Variants in DLG2 observed in about 807,000 individuals in gnomAD.
DLG2 encodes the protein discs large MAGUK scaffold protein 2, also known as disks large homolog 2.
In DLG2, 45 loss-of-function variants were observed where a neutral mutation model predicts 132.5. The observed-to-expected ratio is 0.34, with a 90% CI of 0.27 to 0.44. The LOEUF is 0.44. DLG2 is among the 20% of genes least tolerant of loss of function. DLG2 has a pLI of 1.00. For synonymous variants in DLG2, 424 were observed against 419.6 expected, an observed-to-expected ratio of 1.01 and a Z score of -0.13; for missense variants, 1,045 against 1,196.9, an observed-to-expected ratio of 0.87 and a Z score of 1.87.
Position 85,347,950 on chromosome 11 carries a change from C to A in DLG2, c.41-62585G>T, listed in dbSNP as rs1206689843. On this transcript the variant is annotated intron_variant, in intron 3 of 27. Coordinates refer to ENST00000376104, the MANE Select transcript of DLG2 (RefSeq NM_001142699.3). ...TCCCAAGTAGTTGGGACTACAGACT[C>A]ATGCCACCACACTTAACTTTTTTTT... Among the ~76,000 whole-genome samples the A allele has an allele frequency of 2.9e-5, 4 of 135,622 alleles. 1 individual carries two copies. The highest frequency in any genetic ancestry group is 6.2e-5 in the Non-Finnish European group (4 of 64,944). The allele number at this position is 135,622 out of a possible 152,430, so 89.0% of individuals were successfully genotyped here.
chr11:83,884,799 T>C (rs7939073), intron 15 of DLG2, among the ~76,000 whole-genome samples: 45,023 of 151,892 alleles, frequency 0.3, 7,130 homozygotes, highest in East Asian at 0.48. Flanking sequence ...AAAAATCCAC[T>C]GTTCTGCAGC....
intron 3 of DLG2, among the ~76,000 whole-genome samples, chr11:85,527,859 T>C (rs540073417): frequency 6.6e-6 from 1 of 152,294 alleles, no homozygotes; most frequent in African/African-American, 2.4e-5. Flanking sequence ...CCAGCAACGG[T>C]TGTTTCCTGA....
At chr11:84,115,998 G>C (rs1310449142) in intron 9 of DLG2, among the ~76,000 whole-genome samples, 3 of 152,200 alleles carry the variant, frequency 2.0e-5, no homozygotes, top group Admixed American at 6.5e-5. Flanking sequence ...GTAAGAAGCG[G>C]TAATAGAGTG....
intron 14 of DLG2, among the ~76,000 whole-genome samples, chr11:83,957,023 A>G (rs1379234630): frequency 1.3e-5 from 2 of 152,230 alleles, no homozygotes; most frequent in Non-Finnish European, 2.9e-5. Flanking sequence ...GAAGAAAAAT[A>G]ACGTAGTTTG....
chr11:84,267,469 T>C (rs752750584), intron 7 of DLG2, among the ~76,000 whole-genome samples: 8 of 152,254 alleles, frequency 5.3e-5, no homozygotes, highest in Non-Finnish European at 1.0e-4. Flanking sequence ...TTTAGCACTG[T>C]ATCCTATTCC....
chr11:84,767,013 A>C (rs2068517835), intron 6 of DLG2, among the ~76,000 whole-genome samples: 1 of 152,088 alleles, frequency 6.6e-6, no homozygotes, highest in African/African-American at 2.4e-5. Flanking sequence ...TCTCAGCTTC[A>C]GCATTACCTG....
intron 11 of DLG2, among the ~76,000 whole-genome samples, chr11:84,015,061 G>A (rs2095100991): frequency 3.9e-5 from 6 of 152,034 alleles, no homozygotes. Flanking sequence ...TACTTTTGTA[G>A]AATAGCATTC....
chr11:85,618,930 T>C (rs777249269), intron 2 of DLG2, among the ~76,000 whole-genome samples: 1 of 152,224 alleles, frequency 6.6e-6, no homozygotes, highest in African/African-American at 2.4e-5. Context: ...ACACATTTTC[T>C]AGTATCAAGT....
rs61900049 is a variant in DLG2, at chr11:83,880,651, T to C, written c.1497-6163A>G. ...GAAGAATGAATGGAGAATTCCACCA[T>C]TGACTGAAAGGACCACGGCTCTATT... is the stretch of plus-strand genomic sequence containing the variant. On this transcript the variant is annotated intron_variant, in intron 15 of 27. Coordinates refer to ENST00000376104, the MANE Select transcript of DLG2 (RefSeq NM_001142699.3). Among the ~76,000 whole-genome samples the C allele has an allele frequency of 9.2e-3, 1,395 of 152,268 alleles. 12 individuals are homozygous for C. Among genetic ancestry groups the C allele is most frequent in the Non-Finnish European group, 0.012 (815 of 68,024 alleles).
intron 3 of DLG2, among the ~76,000 whole-genome samples, chr11:85,522,826 A>G (rs2074422706): frequency 6.6e-6 from 1 of 152,192 alleles, no homozygotes; most frequent in Admixed American, 6.5e-5. Context: ...GAATCTAGGA[A>G]GTATCTAACT....
intron 6 of DLG2, among the ~76,000 whole-genome samples, chr11:84,618,073 A>G (rs553886708): frequency 6.6e-6 from 1 of 152,224 alleles, no homozygotes; most frequent in South Asian, 2.1e-4. Flanking sequence ...GTATCCTGGT[A>G]GGTAAATAGT....
At chr11:84,087,306 C>T (rs1400320069) in intron 10 of DLG2, among the ~76,000 whole-genome samples, 3 of 152,240 alleles carry the variant, frequency 2.0e-5, no homozygotes, top group South Asian at 2.1e-4. Flanking sequence ...TACATCCTTG[C>T]CAACACTTAT....
chr11:83,766,956 T>A (rs922061037), intron 18 of DLG2, among the ~76,000 whole-genome samples: 4 of 152,168 alleles, frequency 2.6e-5, no homozygotes, highest in Non-Finnish European at 4.4e-5. Context: ...CCCTGTATAG[T>A]CTTTCTCGGG....
chr11:83,506,760 G>A lies in DLG2; in HGVS notation c.2194-22532C>T, dbSNP rs546428811. ...AACTTAGTGTCCCCAGCTTTATCAGGGTTCTCTCACACGTTTCTATTGTAA... is the reference window on the plus strand; with the variant it reads ...AACTTAGTGTCCCCAGCTTTATCAGAGTTCTCTCACACGTTTCTATTGTAA... On this transcript the variant is annotated intron_variant, in intron 21 of 27. Coordinates refer to ENST00000376104, the MANE Select transcript of DLG2 (RefSeq NM_001142699.3). 3.9e-5 allele frequency among the ~76,000 whole-genome samples: 6 copies of A among 152,228 alleles called. No individual in the cohort carries two copies. In the East Asian group the frequency reaches 1.2e-3, roughly 29 times the overall value.
intron 8 of DLG2, among the ~76,000 whole-genome samples, chr11:84,181,420 G>T (rs897216101): frequency 3.9e-5 from 6 of 151,930 alleles, no homozygotes; most frequent in Admixed American, 2.6e-4. Flanking sequence ...GGCAGAAAAA[G>T]TGTGGAAGAC....
intron 3 of DLG2, chr11:85,509,872 G>A (rs1306626822): frequency 6.6e-6 from 1 of 151,930 alleles, no homozygotes; most frequent in Non-Finnish European, 1.5e-5. Flanking sequence ...ATCTAATGAG[G>A]CAGATCATGG....
chr11:85,505,897 A>C (rs1339560434), intron 3 of DLG2, among the ~76,000 whole-genome samples: 1 of 152,074 alleles, frequency 6.6e-6, no homozygotes, highest in Non-Finnish European at 1.5e-5. Context: ...CAATATCAGA[A>C]CCTGTTTTTG....
intron 4 of DLG2, among the ~76,000 whole-genome samples, chr11:85,170,114 A>G (rs1311324255): frequency 6.6e-6 from 1 of 152,232 alleles, no homozygotes; most frequent in South Asian, 2.1e-4. Flanking sequence ...GGAAATGAAG[A>G]TCCAAAGACC....
At chr11:83,817,391 C>T (rs1214571567) in intron 17 of DLG2, among the ~76,000 whole-genome samples, 2 of 151,952 alleles carry the variant, frequency 1.3e-5, no homozygotes, top group Non-Finnish European at 2.9e-5. Flanking sequence ...GGAGAGGATA[C>T]AATGTCAGAT....
Sources: allele counts gnomAD v4.1 joint callset (sites outside exome capture counted in the v4.1 genomes callset), GRCh38; gene constraint gnomAD v4.1.1; transcripts MANE v1.5; gene names NCBI Gene and HGNC (gene_info 2026-07-23, HGNC 2026-07-21).